The following AKAP7 variants were observed in gnomAD, a reference collection of about 807,000 sequenced individuals.
The protein encoded by AKAP7 is A kinase (PRKA) anchor protein 7.
A neutral mutation model predicts 39.5 loss-of-function variants in AKAP7; 39 were observed. That is an observed-to-expected ratio of 0.99 (90% CI 0.76 to 1.29). The LOEUF (loss-of-function observed/expected upper bound fraction) is 1.29. Among genes scored for constraint, AKAP7 ranks in the 50% most tolerant of loss-of-function variants. The pLI is 0.00. For synonymous variants in AKAP7, 140 were observed against 139.1 expected, an observed-to-expected ratio of 1.01 and a Z score of -0.05; for missense variants, 414 against 407.7, an observed-to-expected ratio of 1.02 and a Z score of -0.13.
chr6:131,167,321 A>C (rs1163991342), intron 4 of AKAP7, among the ~76,000 whole-genome samples: 1 of 152,308 alleles, frequency 6.6e-6, no homozygotes, highest in East Asian at 1.9e-4. Context: ...ATACTACTAG[A>C]GAACTGGAAA....
intron 6 of AKAP7, among the ~76,000 whole-genome samples, chr6:131,219,214 C>T (rs1164410682): frequency 6.6e-6 from 1 of 150,808 alleles, no homozygotes; most frequent in Non-Finnish European, 1.5e-5. Flanking sequence ...CACTTGAACC[C>T]TGGAGGTGGA....
chr6:131,212,573 A>G (rs1349025793), intron 6 of AKAP7, among the ~76,000 whole-genome samples: 2 of 152,168 alleles, frequency 1.3e-5, no homozygotes, highest in Non-Finnish European at 1.5e-5. Flanking sequence ...GTAAATCGCA[A>G]TGCCACTATG....
chr6:131,236,147 T>C (rs960568644), intron 7 of AKAP7, among the ~76,000 whole-genome samples: 2 of 152,172 alleles, frequency 1.3e-5, no homozygotes, highest in Admixed American at 6.5e-5. Flanking sequence ...CCCAGCACCA[T>C]TTATTAAATA....
intron 7 of AKAP7, among the ~76,000 whole-genome samples, chr6:131,247,214 C>G (rs1260817890): frequency 7.1e-6 from 1 of 141,006 alleles, no homozygotes; most frequent in Non-Finnish European, 1.5e-5. Context: ...CTAACATTAT[C>G]TAGCTCCCCT....
chr6:131,275,758 G>T (rs1333374777), intron 7 of AKAP7, among the ~76,000 whole-genome samples: 1 of 152,228 alleles, frequency 6.6e-6, no homozygotes, highest in East Asian at 1.9e-4. Flanking sequence ...CTACAAGGAT[G>T]TGCGGATCGG....
At chr6:131,232,381 A>T (rs1238671540) in intron 7 of AKAP7, among the ~76,000 whole-genome samples, 3 of 152,208 alleles carry the variant, frequency 2.0e-5, no homozygotes, top group African/African-American at 7.2e-5. Context: ...AAACAAAGCC[A>T]TTAACATAAT....
chr6:131,202,615 TGGGGGAG>T (rs1157681712), intron 6 of AKAP7, among the ~76,000 whole-genome samples: 1 of 54,626 alleles, frequency 1.8e-5, no homozygotes, highest in South Asian at 6.7e-4. Flanking sequence ...TGTTGTGGGA[TGGGGGAG>T]GGGGGAGGGA....
At chr6:131,184,590 A>G (rs1805630710) in intron 5 of AKAP7, 1 of 734,298 alleles carries the variant, frequency 1.4e-6, no homozygotes, top group African/African-American at 1.7e-5. Flanking sequence ...GGCAAGATGG[A>G]TGCCCTGAGC....
intron 5 of AKAP7, among the ~76,000 whole-genome samples, chr6:131,175,273 G>T (rs1198947939): frequency 6.6e-6 from 1 of 152,060 alleles, no homozygotes; most frequent in African/African-American, 2.4e-5. Flanking sequence ...GAAGTGGGGA[G>T]GCAGGAGGGG....
chr6:131,252,063 CCT>C (rs1441529627), intron 7 of AKAP7, among the ~76,000 whole-genome samples: 2 of 152,172 alleles, frequency 1.3e-5, no homozygotes, highest in African/African-American at 4.8e-5. Context: ...CTCTTCTTCC[CCT>C]GTCTGTAAGC....
At chr6:131,219,442 A>G (rs530667276) in intron 6 of AKAP7, among the ~76,000 whole-genome samples, 1 of 151,896 alleles carries the variant, frequency 6.6e-6, no homozygotes, top group African/African-American at 2.4e-5. Flanking sequence ...TAAACCTAAC[A>G]CTCTTTATTG....
At chr6:131,257,760 G>C (rs1585192534) in intron 7 of AKAP7, among the ~76,000 whole-genome samples, 1 of 152,250 alleles carries the variant, frequency 6.6e-6, no homozygotes, top group Non-Finnish European at 1.5e-5. Context: ...CAGCACAGAG[G>C]AAAGTAAGCC....
intron 5 of AKAP7, among the ~76,000 whole-genome samples, chr6:131,180,355 C>T (rs1284854359): frequency 6.6e-6 from 1 of 152,148 alleles, no homozygotes; most frequent in Non-Finnish European, 1.5e-5. Flanking sequence ...GTCTTTATTA[C>T]CTCCTTTCCC....
chr6:131,222,461 A>C (rs1809790943), intron 7 of AKAP7, among the ~76,000 whole-genome samples: 5 of 151,796 alleles, frequency 3.3e-5, no homozygotes, highest in Admixed American at 3.3e-4. Context: ...CAGGAGGCGG[A>C]GCTTGCAGTG....
intron 5 of AKAP7, among the ~76,000 whole-genome samples, chr6:131,180,251 C>T (rs1017097566): frequency 2.0e-5 from 3 of 152,156 alleles, no homozygotes; most frequent in African/African-American, 7.2e-5. Flanking sequence ...AAGACTAACC[C>T]CTTCAGCTGT....
At chr6:131,174,990 G>A (rs899598412) in intron 5 of AKAP7, among the ~76,000 whole-genome samples, 11 of 151,692 alleles carry the variant, frequency 7.3e-5, no homozygotes, top group African/African-American at 2.7e-4. Flanking sequence ...TTGACTGAAA[G>A]CCTTATTGAT....
chr6:131,199,422 C>G (rs1405440285), intron 5 of AKAP7, 39 bp from the exon 6 acceptor site: 8 of 1,336,676 alleles, frequency 6.0e-6, no homozygotes, highest in Non-Finnish European at 8.4e-6. Context: ...ACTGAAAATA[C>G]TGTAGTAGCA....
chr6:131,151,423 T>TTATTGAGATACTA, intron 2 of AKAP7, among the ~76,000 whole-genome samples: 1 of 150,908 alleles, frequency 6.6e-6, no homozygotes, highest in African/African-American at 2.4e-5. Flanking sequence ...TTGCCAAAGA[T>TTATTGAGATACTA]TATTGAGATA....
chr6:131,160,411 C>T (rs1040749451), intron 3 of AKAP7, among the ~76,000 whole-genome samples: 6 of 152,178 alleles, frequency 3.9e-5, no homozygotes, highest in Non-Finnish European at 5.9e-5. Context: ...CAGGGTCTTG[C>T]TCTGGCACCC....
Sources: gnomAD v4.1 joint callset for allele counts (sites outside exome capture counted in the v4.1 genomes callset) on GRCh38, gnomAD v4.1.1 for gene constraint, MANE v1.5 for transcripts, NCBI Gene and HGNC (gene_info 2026-07-23, HGNC 2026-07-21) for gene names.